The following GPC5 variants were observed in gnomAD, a reference collection of about 807,000 sequenced individuals.
GPC5 encodes the protein glypican-5.
In GPC5, 47 loss-of-function variants were observed where a neutral mutation model predicts 53.9. The ratio of observed to expected loss-of-function variants is 0.87; its 90% CI spans 0.69 to 1.11. The LOEUF is 1.11. GPC5 is among the 50% of genes most tolerant of loss of function. The probability of loss-of-function intolerance (pLI) is 0.00; values close to 1 mark genes in which losing one functional copy is unlikely to be tolerated. For missense variants in GPC5, 748 were observed against 713.1 expected (o/e 1.05, Z -0.56); for synonymous variants, 286 against 263.3 (o/e 1.09, Z -0.84).
At chr13:92,542,015 ACTT>A (rs1044009652) in intron 7 of GPC5, among the ~76,000 whole-genome samples, 12 of 152,050 alleles carry the variant, frequency 7.9e-5, no homozygotes, top group African/African-American at 2.9e-4. Context: ...TGTTTTAACT[ACTT>A]TTGTTTTATA....
intron 7 of GPC5, among the ~76,000 whole-genome samples, chr13:92,740,822 G>A (rs938493205): frequency 2.0e-5 from 3 of 150,614 alleles, no homozygotes; most frequent in African/African-American, 7.3e-5. Context: ...AAGAAAAGAA[G>A]CAGGTAGAAT....
chr13:91,656,911 G>A (rs1014438820), intron 2 of GPC5, among the ~76,000 whole-genome samples: 8 of 152,114 alleles, frequency 5.3e-5, no homozygotes, highest in African/African-American at 1.7e-4. Context: ...GGTGATAAAA[G>A]GCTAAACGAT....
At chr13:91,846,080 A>G (rs905347987) in intron 5 of GPC5, among the ~76,000 whole-genome samples, 4 of 152,154 alleles carry the variant, frequency 2.6e-5, no homozygotes, top group South Asian at 2.1e-4. Flanking sequence ...AAATGAACAT[A>G]TGGGACACTT....
intron 7 of GPC5, among the ~76,000 whole-genome samples, chr13:92,163,505 C>T (rs1194089862): frequency 1.3e-5 from 2 of 148,320 alleles, no homozygotes; most frequent in African/African-American, 5.0e-5. Context: ...AAAGTCACAA[C>T]ATGTACAGTA....
chr13:92,410,783 T>C (rs1014582899), intron 7 of GPC5, among the ~76,000 whole-genome samples: 1 of 152,232 alleles, frequency 6.6e-6, no homozygotes, highest in African/African-American at 2.4e-5. Flanking sequence ...TTTGCAACTT[T>C]TAAAGTATGA....
At chr13:91,643,593 G>A (rs2034485944) in intron 2 of GPC5, among the ~76,000 whole-genome samples, 1 of 152,146 alleles carries the variant, frequency 6.6e-6, no homozygotes, top group Non-Finnish European at 1.5e-5. Context: ...GCCAAAAACT[G>A]GGCAGCTTAA....
At chr13:91,877,626 C>T (rs906127159) in intron 5 of GPC5, among the ~76,000 whole-genome samples, 2 of 152,176 alleles carry the variant, frequency 1.3e-5, no homozygotes, top group African/African-American at 4.8e-5. Context: ...CTTTTGATTA[C>T]AGGCTTATAG....
At chr13:92,709,204 G>A (rs1311754402) in intron 7 of GPC5, among the ~76,000 whole-genome samples, 4 of 150,452 alleles carry the variant, frequency 2.7e-5, no homozygotes, top group Non-Finnish European at 4.4e-5. Context: ...GCGCAACCAC[G>A]CCCAGCTAAT....
intron 6 of GPC5, among the ~76,000 whole-genome samples, chr13:91,962,564 T>C (rs1416082821): frequency 6.6e-6 from 1 of 152,098 alleles, no homozygotes; most frequent in Non-Finnish European, 1.5e-5. Context: ...AGTCTTAGTA[T>C]TAGTTTAATG....
At chr13:91,577,404 G>C (rs532143687) in intron 2 of GPC5, among the ~76,000 whole-genome samples, 1 of 152,292 alleles carries the variant, frequency 6.6e-6, no homozygotes, top group South Asian at 2.1e-4. Context: ...ACCTTCCAGA[G>C]ACTCAGTAAT....
chr13:92,775,339 A>G (rs1875763885), intron 7 of GPC5, among the ~76,000 whole-genome samples: 1 of 152,222 alleles, frequency 6.6e-6, no homozygotes, highest in African/African-American at 2.4e-5. Flanking sequence ...ATAGTGACCA[A>G]TAAGTACTTT....
intron 7 of GPC5, among the ~76,000 whole-genome samples, chr13:92,600,275 G>T (rs559527539): frequency 6.6e-6 from 1 of 151,990 alleles, no homozygotes; most frequent in Non-Finnish European, 1.5e-5. Flanking sequence ...TCATCATCTT[G>T]TATGTGCTTT....
chr13:91,468,976 C>T (rs1882428499), intron 2 of GPC5, among the ~76,000 whole-genome samples: 4 of 151,422 alleles, frequency 2.6e-5, no homozygotes, highest in Admixed American at 2.6e-4. Flanking sequence ...CTCCAGGACT[C>T]AAGCCATCCT....
At chr13:92,726,947 G>A (rs1355607498) in intron 7 of GPC5, among the ~76,000 whole-genome samples, 1 of 151,396 alleles carries the variant, frequency 6.6e-6, no homozygotes, top group Non-Finnish European at 1.5e-5. Flanking sequence ...AAAAAATAAA[G>A]GTGTCACCTG....
At chr13:91,930,271 A>C (rs2039809117) in intron 6 of GPC5, among the ~76,000 whole-genome samples, 1 of 152,078 alleles carries the variant, frequency 6.6e-6, no homozygotes. Flanking sequence ...GAACATCTCT[A>C]TCAGAATGTT....
chr13:92,047,037 G>A (rs952599863), intron 6 of GPC5, among the ~76,000 whole-genome samples: 1 of 152,016 alleles, frequency 6.6e-6, no homozygotes, highest in Admixed American at 6.6e-5. Context: ...TTCCTCCCTA[G>A]CACAGAGAAT....
chr13:91,903,950 A>G (rs559975421), intron 5 of GPC5, among the ~76,000 whole-genome samples: 20 of 151,972 alleles, frequency 1.3e-4, no homozygotes, highest in African/African-American at 4.3e-4. Flanking sequence ...TTAAGAAAAG[A>G]GTCTCAGTTT....
intron 7 of GPC5, among the ~76,000 whole-genome samples, chr13:92,381,847 G>GATATATGATTGTATAT (rs1261792173): frequency 8.4e-6 from 1 of 119,582 alleles, no homozygotes; most frequent in East Asian, 2.4e-4. Flanking sequence ...TATTGTATAT[G>GATATATGATTGTATAT]ATCATATATG....
chr13:92,693,840 A>T (rs1887482300), intron 7 of GPC5, among the ~76,000 whole-genome samples: 2 of 152,174 alleles, frequency 1.3e-5, no homozygotes, highest in South Asian at 4.1e-4. Context: ...TTAATAGCCA[A>T]GACAATGGAG....
Sources: allele counts gnomAD v4.1 joint callset (sites outside exome capture counted in the v4.1 genomes callset), GRCh38; gene constraint gnomAD v4.1.1; transcripts MANE v1.5; gene names NCBI Gene and HGNC (gene_info 2026-07-23, HGNC 2026-07-21).